ROR2: variants seen among roughly 807,000 people sequenced by gnomAD.
ROR2 encodes ROR family WNT receptor 2, also known as tyrosine-protein kinase transmembrane receptor ROR2.
A neutral mutation model predicts 74.9 loss-of-function variants in ROR2; 33 were observed. That is an observed-to-expected ratio of 0.44 (90% confidence interval 0.33 to 0.59). The LOEUF is 0.59. Among genes scored for constraint, ROR2 ranks in the 20% least tolerant of loss-of-function variants. The pLI, the probability that ROR2 is intolerant of heterozygous loss-of-function variation, is 0.02. For missense variants in ROR2, 1,216 were observed against 1,313.8 expected (o/e 0.93, Z 1.15); for synonymous variants, 586 against 558.7 (o/e 1.05, Z -0.69).
chr9:91,789,673 AC>A (rs1826911079), intron 1 of ROR2, among the ~76,000 whole-genome samples: 1 of 152,222 alleles, frequency 6.6e-6, no homozygotes, highest in African/African-American at 2.4e-5. Context: ...TAAGAAAATA[AC>A]CCCATCAAAT....
intron 1 of ROR2, among the ~76,000 whole-genome samples, chr9:91,817,779 A>G (rs1403641862): frequency 1.8e-4 from 27 of 151,990 alleles, no homozygotes; most frequent in Non-Finnish European, 1.5e-5. Context: ...AGTGATTAAG[A>G]TTTACTTAGG....
At chr9:91,754,067 G>A (rs1335186145) in intron 4 of ROR2, among the ~76,000 whole-genome samples, 3 of 152,056 alleles carry the variant, frequency 2.0e-5, no homozygotes, top group Non-Finnish European at 2.9e-5. Context: ...AAGGGAGGCA[G>A]GAGGCCTGGA....
At chr9:91,744,444 C>CA (rs1825346382) in intron 4 of ROR2, among the ~76,000 whole-genome samples, 1 of 151,924 alleles carries the variant, frequency 6.6e-6, no homozygotes, top group African/African-American at 2.4e-5. Context: ...AGGCTGGTCT[C>CA]AAACTCCGGA....
intron 6 of ROR2, among the ~76,000 whole-genome samples, chr9:91,732,516 T>C (rs1304400735): frequency 1.3e-5 from 2 of 152,104 alleles, no homozygotes; most frequent in African/African-American, 2.4e-5. Flanking sequence ...TGTAGAAAGG[T>C]GCACGGTGCT....
chr9:91,920,273 G>A (rs539309845), intron 1 of ROR2, among the ~76,000 whole-genome samples: 8 of 152,206 alleles, frequency 5.3e-5, no homozygotes, highest in African/African-American at 1.7e-4. Context: ...TTGAGAGGTC[G>A]AAGTGGGAGG....
chr9:91,795,867 C>T (rs573828999), intron 1 of ROR2, among the ~76,000 whole-genome samples: 20 of 152,274 alleles, frequency 1.3e-4, no homozygotes, highest in African/African-American at 4.8e-4. Flanking sequence ...CATGAATGTA[C>T]ATACAGGTGG....
chr9:91,775,953 T>G, intron 1 of ROR2, 135 bp from the exon 2 acceptor site: 1 of 742,154 alleles, frequency 1.3e-6, no homozygotes, highest in Non-Finnish European at 2.4e-6. Flanking sequence ...GATAAGACAT[T>G]ATGGTAACCT....
chr9:91,888,817 C>G (rs538144062), intron 1 of ROR2, among the ~76,000 whole-genome samples: 2 of 152,144 alleles, frequency 1.3e-5, no homozygotes, highest in African/African-American at 4.8e-5. Context: ...GTGTCCTGCA[C>G]GGGAAGCAAT....
intron 1 of ROR2, among the ~76,000 whole-genome samples, chr9:91,879,309 T>C (rs1225800278): frequency 1.3e-5 from 2 of 152,188 alleles, no homozygotes; most frequent in Admixed American, 6.5e-5. Context: ...ATGATGTCCT[T>C]ATAATGTTAA....
intron 4 of ROR2, among the ~76,000 whole-genome samples, chr9:91,741,193 G>A (rs555926773): frequency 2.0e-5 from 3 of 151,856 alleles, no homozygotes; most frequent in Non-Finnish European, 2.9e-5. Flanking sequence ...CCAGCTACTC[G>A]GGAGGCTGAG....
At position 91,839,139 on chromosome 9, in the gene ROR2, A is replaced by G. The variant is rs371527959; in HGVS notation, c.98-63321T>C. Among the ~76,000 whole-genome samples the G allele has an allele frequency of 2.3e-4, 35 of 152,274 alleles. 2 individuals are homozygous for G. The highest frequency in any genetic ancestry group is 1.4e-3 in the East Asian group (7 of 5,182). On this transcript the variant is annotated intron_variant, in intron 1 of 8. Coordinates refer to ENST00000375708, the MANE Select transcript of ROR2 (RefSeq NM_004560.4). ...ACAGCAGCTTAGGAAAGAATTCACC[A>G]ATTAACAAGATGAAGGGGTTCTGGG...
At chr9:91,826,194 G>A (rs1483346590) in intron 1 of ROR2, among the ~76,000 whole-genome samples, 1 of 152,114 alleles carries the variant, frequency 6.6e-6, no homozygotes, top group African/African-American at 2.4e-5. Flanking sequence ...ACAGAATGGG[G>A]GAAATGAGCC....
intron 2 of ROR2, among the ~76,000 whole-genome samples, chr9:91,759,896 G>A (rs1481746997): frequency 2.6e-5 from 4 of 152,172 alleles, no homozygotes; most frequent in Admixed American, 2.0e-4. Flanking sequence ...CTCAGATGGG[G>A]CCATCATTAG....
At chr9:91,944,218 T>C (rs908595428) in intron 1 of ROR2, among the ~76,000 whole-genome samples, 1 of 152,190 alleles carries the variant, frequency 6.6e-6, no homozygotes, top group East Asian at 1.9e-4. Context: ...TGTAGGCAAC[T>C]GTAACAGGAT....
intron 1 of ROR2, among the ~76,000 whole-genome samples, chr9:91,932,658 T>A (rs1831578815): frequency 6.8e-6 from 1 of 147,098 alleles, no homozygotes. Flanking sequence ...AGCGAGACTG[T>A]CTCAAAAAAA....
intron 5 of ROR2, among the ~76,000 whole-genome samples, chr9:91,735,059 C>T (rs1824974940): frequency 6.6e-6 from 1 of 152,226 alleles, no homozygotes; most frequent in Non-Finnish European, 1.5e-5. Flanking sequence ...GAAAGATTGT[C>T]TAAGAATGCC....
At chr9:91,867,682 G>C (rs1345001499) in intron 1 of ROR2, among the ~76,000 whole-genome samples, 1 of 151,694 alleles carries the variant, frequency 6.6e-6, no homozygotes, top group African/African-American at 2.4e-5. Flanking sequence ...GTGTGTGTGT[G>C]TGTGTGTGTG....
intron 2 of ROR2, among the ~76,000 whole-genome samples, chr9:91,772,367 CA>C (rs2118918090): frequency 6.6e-6 from 1 of 152,344 alleles, no homozygotes; most frequent in East Asian, 1.9e-4. Flanking sequence ...GTGAACTGAG[CA>C]AGCCCTTTCA....
intron 1 of ROR2, among the ~76,000 whole-genome samples, chr9:91,926,934 T>C (rs554491713): frequency 4.5e-4 from 68 of 152,302 alleles, no homozygotes; most frequent in African/African-American, 1.6e-3. Flanking sequence ...TGGTGATGGC[T>C]GCACAGCAAC....
Sources: gnomAD v4.1 joint callset for allele counts (sites outside exome capture counted in the v4.1 genomes callset) on GRCh38, gnomAD v4.1.1 for gene constraint, MANE v1.5 for transcripts, NCBI Gene and HGNC (gene_info 2026-07-23, HGNC 2026-07-21) for gene names.